RYR3: variants seen among roughly 807,000 people sequenced by gnomAD.
The protein encoded by RYR3 is ryanodine receptor 3, also known as brain ryanodine receptor-calcium release channel.
In RYR3, 207 loss-of-function variants were observed where a neutral mutation model predicts 584.3. The observed-to-expected ratio is 0.35, with a 90% CI of 0.32 to 0.40. The LOEUF is 0.40. Ranked by LOEUF, RYR3 falls within the 10% of genes least tolerant of loss-of-function variation. The pLI is 1.00. For missense variants in RYR3, 5,616 were observed against 6,089.2 expected, an observed-to-expected ratio of 0.92 and a Z score of 2.59; for synonymous variants, 2,416 against 2,248.5, an observed-to-expected ratio of 1.07 and a Z score of -2.11.
chr15:33,529,331 T>C (rs2141033747), intron 3 of RYR3, among the ~76,000 whole-genome samples: 1 of 152,316 alleles, frequency 6.6e-6, no homozygotes, highest in South Asian at 2.1e-4. Flanking sequence ...TTATGTGACA[T>C]GAAAAATCAT....
chr15:33,462,622 T>C (rs2048135503), intron 1 of RYR3, among the ~76,000 whole-genome samples: 1 of 152,088 alleles, frequency 6.6e-6, no homozygotes, highest in Non-Finnish European at 1.5e-5. Flanking sequence ...GGAAGATAAA[T>C]TGACTTAAAA....
chr15:33,804,116 T>A (rs1038601291), intron 69 of RYR3, among the ~76,000 whole-genome samples: 2 of 152,356 alleles, frequency 1.3e-5, no homozygotes, highest in African/African-American at 4.8e-5. Context: ...CGGGTGTTTG[T>A]TTCTTGACAA....
In RYR3 at chr15:33,729,217, A is replaced by G. The variant is rs115443052; in HGVS notation, c.7203+191A>G. On this transcript the variant is annotated intron_variant, in intron 47 of 103. Coordinates refer to ENST00000634891, the MANE Select transcript of RYR3 (RefSeq NM_001036.6). ...GGGCCAGAGACTTAGATATAGGTCA[A>G]TTTGACCCCAAATCCAACTCCCTCA... 4.7e-3 allele frequency among the ~76,000 whole-genome samples: 721 copies of G among 152,312 alleles called. 4 individuals carry two copies. Among genetic ancestry groups the G allele is most frequent in the African/African-American group, 0.017 (686 of 41,564 alleles).
chr15:33,337,837 A>C (rs1971310117), intron 1 of RYR3, among the ~76,000 whole-genome samples: 1 of 152,056 alleles, frequency 6.6e-6, no homozygotes, highest in Non-Finnish European at 1.5e-5. Context: ...ACTGGGAACA[A>C]CACACATGCC....
chr15:33,360,250 C>T (rs1426545057), intron 1 of RYR3, among the ~76,000 whole-genome samples: 2 of 151,946 alleles, frequency 1.3e-5, no homozygotes, highest in African/African-American at 4.8e-5. Flanking sequence ...CAGTTTCCCC[C>T]ACCCCTCCAC....
chr15:33,379,687 C>CTCTCTCTATATATATATATATATATATA, intron 1 of RYR3, among the ~76,000 whole-genome samples: 7 of 125,494 alleles, frequency 5.6e-5, no homozygotes, highest in African/African-American at 1.4e-4. Flanking sequence ...CTCTCTCTCT[C>CTCTCTCTATATATATATATATATATATA]TATATATATA....
chr15:33,775,265 A>AT (rs1190018268), intron 64 of RYR3, among the ~76,000 whole-genome samples: 2 of 151,110 alleles, frequency 1.3e-5, no homozygotes, highest in Non-Finnish European at 1.5e-5. Context: ...TTTCCTAAAT[A>AT]TTTTTTCCCC....
chr15:33,533,165 T>C (rs2055028118), intron 4 of RYR3, 146 bp from the exon 5 acceptor site: 1 of 593,234 alleles, frequency 1.7e-6, no homozygotes, highest in South Asian at 2.2e-5. Flanking sequence ...TTAAGGCATT[T>C]ACCAATTAAC....
In RYR3 at chr15:33,663,699, C is replaced by G. The variant is rs376650962; in HGVS notation, c.5581C>G (p.Arg1861Gly). 1 of 1,610,820 alleles carries G rather than the reference C, an allele frequency of 6.2e-7. No homozygotes were observed. Among genetic ancestry groups the G allele is most frequent in the Admixed American group, 1.7e-5 (1 of 59,818 alleles). ...ALNMSAALTARKTKEFRSPPQ... is the reference protein window; with the variant it reads ...ALNMSAALTAGKTKEFRSPPQ... ...GAACATGTCTGCGGCCCTGACTGCCCGGAAGACCAAGGAGTTCCGCTCACC... is the reference window on the plus strand; with the variant it reads ...GAACATGTCTGCGGCCCTGACTGCCGGGAAGACCAAGGAGTTCCGCTCACC... The change falls in exon 36 of 104, where the codon CGG (arginine) becomes GGG (glycine). Residue 1861 changes from arginine (R) to glycine (G), a missense_variant. Around this residue, in one of 9 missense-constraint regions of RYR3, gnomAD observed 1,280 missense variants for 1,426.2 expected, o/e 0.90. Coordinates refer to ENST00000634891, the MANE Select transcript of RYR3 (RefSeq NM_001036.6).
chr15:33,691,465 A>C (rs2065424352), intron 38 of RYR3, among the ~76,000 whole-genome samples: 1 of 152,234 alleles, frequency 6.6e-6, no homozygotes, highest in African/African-American at 2.4e-5. Context: ...GTCAAATTTC[A>C]TTATTGGCAA....
rs2152813449 is a variant in RYR3 at position 33,725,946 on chromosome 15, GGT to G, written c.6913-438_6913-437del. Among the ~76,000 whole-genome samples, 3 of 127,048 alleles carry G rather than the reference GGT, an allele frequency of 2.4e-5. No homozygotes were observed. In the South Asian group the frequency reaches 8.1e-4, roughly 34 times the overall value. 83.3% of individuals were successfully genotyped at this position (127,048 alleles called of 152,430 possible). On this transcript the variant is annotated intron_variant, in intron 45 of 103. Coordinates refer to ENST00000634891, the MANE Select transcript of RYR3 (RefSeq NM_001036.6). ...GATCACGCCACTGCACTCCAGCCTG[GGT>G]GACAGAGCAAGACTCCATCCCCCCC...
intron 62 of RYR3, 136 bp from the exon 63 acceptor site, chr15:33,771,784 C>A (rs1418954376): frequency 3.1e-6 from 2 of 654,084 alleles, no homozygotes; most frequent in South Asian, 3.8e-5. Flanking sequence ...TAACTGCTCT[C>A]TCCCTTTCTC....
In RYR3 at chr15:33,662,708, G is replaced by A. The variant is rs775991821; in HGVS notation, c.5178G>A (p.Leu1726=). 2 of 1,614,194 alleles carry A rather than the reference G, an allele frequency of 1.2e-6. No homozygotes were observed. The highest frequency in any genetic ancestry group is 3.3e-5 in the Admixed American group (2 of 60,024). Residue 1726 remains leucine, a synonymous_variant, in exon 35 of 104, where the codon CTG becomes CTA. Transcript: ENST00000634891. ...GSVEFQFVPV[L]KLIGTLLVMG... is the part of the protein sequence containing the mutation. Reference sequence around the variant, plus strand: ...TGGAGTTCCAGTTTGTGCCTGTGCTGAAACTCATTGGAACCCTGCTGGTCA... The same window carrying A: ...TGGAGTTCCAGTTTGTGCCTGTGCTAAAACTCATTGGAACCCTGCTGGTCA...
chr15:33,819,935 C>A, intron 77 of RYR3, 128 bp downstream of exon 77: 1 of 603,616 alleles, frequency 1.7e-6, no homozygotes, highest in South Asian at 3.1e-5. Context: ...TCAGGCATTG[C>A]ACAATTCATG....
At chr15:33,324,980 C>T (rs1167149919) in intron 1 of RYR3, among the ~76,000 whole-genome samples, 3 of 152,130 alleles carry the variant, frequency 2.0e-5, no homozygotes, top group African/African-American at 7.2e-5. Flanking sequence ...GCCTGATTCT[C>T]AGGACTAAAC....
intron 74 of RYR3, chr15:33,815,877 T>C (rs2076788560): frequency 2.5e-6 from 1 of 398,604 alleles, no homozygotes; most frequent in East Asian, 3.6e-5. Context: ...TCAACAAGTT[T>C]GGCTGGAAAA....
At position 33,769,284 on chromosome 15, in the gene RYR3, AGAG is replaced by A. The variant is rs1596505738; in HGVS notation, c.8816+116_8816+118del. The A allele has an allele frequency of 7.0e-6, 6 of 858,760 alleles. No individual in the cohort carries two copies. The East Asian group carries it at 1.5e-4, about 21-fold the overall frequency. 53.2% of individuals were successfully genotyped at this position (858,760 alleles called of 1,614,324 possible). ...ATCGCTGCTGCCAGGCTTTGAGAAG[AGAG>A]GAGAGACAGGGCAAAGACCCTAGAA... On this transcript the variant is annotated intron_variant, in intron 62 of 103. Coordinates refer to ENST00000634891, the MANE Select transcript of RYR3 (RefSeq NM_001036.6).
In RYR3 at chr15:33,835,065, T is replaced by C; in HGVS notation, c.11561T>C (p.Leu3854Pro). The C allele has an allele frequency of 6.2e-7, 1 of 1,611,922 alleles. No homozygotes were observed. Among genetic ancestry groups the C allele is most frequent in the Non-Finnish European group, 8.5e-7 (1 of 1,178,278 alleles). The change falls in exon 87 of 104, where the codon CTC (leucine) becomes CCC (proline). Residue 3854 changes from leucine to proline, a missense_variant. By Grantham distance (98) the Leu-to-Pro change is moderately conservative. Transcript: ENST00000634891. Reference sequence around the variant, plus strand: ...GTCTTTGCTAATATGCAGATGAAACTCTCTCAGGTACTGTGGCCCATTCCC... The same window carrying C: ...GTCTTTGCTAATATGCAGATGAAACCCTCTCAGGTACTGTGGCCCATTCCC... ...LHVFANMQMK[L>P]SQDSSQIELL...
chr15:33,614,694 T>C (rs1258116385), intron 19 of RYR3, among the ~76,000 whole-genome samples: 1 of 152,130 alleles, frequency 6.6e-6, no homozygotes, highest in Non-Finnish European at 1.5e-5. Context: ...TATATTTACA[T>C]GTTTATGTAT....
Sources: allele counts gnomAD v4.1 joint callset (sites outside exome capture counted in the v4.1 genomes callset), GRCh38; gene constraint gnomAD v4.1.1; regional missense constraint gnomAD v4.1.1; transcripts MANE v1.5; gene names NCBI Gene and HGNC (gene_info 2026-07-23, HGNC 2026-07-21).